CCDC7: variants seen among roughly 807,000 people sequenced by gnomAD.
The protein encoded by CCDC7 is coiled-coil domain-containing protein 7.
In CCDC7, 183 loss-of-function variants were observed where a neutral mutation model predicts 196.9. The observed-to-expected ratio is 0.93, with a 90% CI of 0.82 to 1.05. The LOEUF (loss-of-function observed/expected upper bound fraction) is 1.05, where lower values mean the gene tolerates loss of function less well. CCDC7 is among the 50% of genes least tolerant of loss of function. The probability of loss-of-function intolerance (pLI) is 0.00; values close to 1 mark genes in which losing one functional copy is unlikely to be tolerated. For missense variants in CCDC7, 1,540 were observed against 1,482.2 expected (o/e 1.04, Z -0.64); for synonymous variants, 525 against 484.6 (o/e 1.08, Z -1.10).
intron 24 of CCDC7, among the ~76,000 whole-genome samples, chr10:32,708,147 G>A (rs1207818616): frequency 1.3e-5 from 2 of 150,216 alleles, no homozygotes; most frequent in East Asian, 2.0e-4. Flanking sequence ...GAAAAGAATA[G>A]AGCCCTCAGA....
chr10:32,699,866 C>G lies in CCDC7; in HGVS notation c.2458+4874C>G, dbSNP rs545402441. 2.7e-5 allele frequency among the ~76,000 whole-genome samples: 4 copies of G among 149,614 alleles called. No individual in the cohort carries two copies. The East Asian group carries it at 7.7e-4, about 29-fold the overall frequency. Reference sequence around the variant, plus strand: ...ATAAATGTCTTCTTTTGAGAAGTATCTGTTCATATCCTATGCCCACTTGTT... The same window carrying G: ...ATAAATGTCTTCTTTTGAGAAGTATGTGTTCATATCCTATGCCCACTTGTT... On this transcript the variant is annotated intron_variant, in intron 24 of 41. Transcript: ENST00000639629.
chr10:32,499,466 A>C (rs1027918923), intron 9 of CCDC7: 3 of 152,176 alleles, frequency 2.0e-5, no homozygotes, highest in African/African-American at 7.2e-5. Context: ...TGGTTAATTT[A>C]TTGGGAAGAA....
At chr10:32,708,651 G>A (rs1280422365) in intron 24 of CCDC7, among the ~76,000 whole-genome samples, 2 of 152,186 alleles carry the variant, frequency 1.3e-5, no homozygotes, top group African/African-American at 4.8e-5. Context: ...CCATCAAAAA[G>A]TGGGCGAAGC....
chr10:32,448,818 T>C (rs886913987), upstream of CCDC7, among the ~76,000 whole-genome samples: 1 of 152,110 alleles, frequency 6.6e-6, no homozygotes, highest in South Asian at 2.1e-4. Flanking sequence ...TTGCTAATTA[T>C]TTATATTTTT....
intron 24 of CCDC7, among the ~76,000 whole-genome samples, chr10:32,701,809 G>C (rs1322970804): frequency 6.6e-6 from 1 of 152,082 alleles, no homozygotes; most frequent in South Asian, 2.1e-4. Context: ...TTGCATAGAG[G>C]TGTTTATAGT....
intron 5 of CCDC7, 136 bp downstream of exon 6, chr10:32,463,185 G>A (rs1203958067): frequency 1.8e-6 from 2 of 1,122,716 alleles, no homozygotes; most frequent in African/African-American, 1.6e-5. Flanking sequence ...TTTGGTTTGG[G>A]TAGACAAGGA....
intron 9 of CCDC7, among the ~76,000 whole-genome samples, chr10:32,506,438 T>C (rs1471945236): frequency 6.6e-6 from 1 of 152,162 alleles, no homozygotes; most frequent in East Asian, 1.9e-4. Flanking sequence ...CGCTGCTCAC[T>C]TCCTAGACGG....
downstream of CCDC7, chr10:32,876,632 G>A: frequency 2.8e-6 from 1 of 357,554 alleles, no homozygotes; most frequent in South Asian, 7.0e-5. Context: ...CAATTTTAAA[G>A]AAGTTATGCA....
rs569522193 is a variant in CCDC7 at position 32,820,260 on chromosome 10, A to G, written c.3182-4258A>G. Among the ~76,000 whole-genome samples the G allele has an allele frequency of 4.0e-3, 609 of 152,306 alleles. 1 individual carries two copies. The highest frequency in any genetic ancestry group is 6.7e-3 in the Non-Finnish European group (456 of 68,016). ...CCTAGGAATCCAACTTACAAGGGACAGGAAGGACCTCTTCAAGGAGCACTA... is the reference window on the plus strand; with the variant it reads ...CCTAGGAATCCAACTTACAAGGGACGGGAAGGACCTCTTCAAGGAGCACTA... On this transcript the variant is annotated intron_variant, in intron 31 of 41. Coordinates refer to ENST00000639629, the Ensembl canonical transcript of CCDC7.
chr10:32,500,216 C>T (rs562624769), intron 9 of CCDC7, among the ~76,000 whole-genome samples: 20 of 147,480 alleles, frequency 1.4e-4, no homozygotes, highest in African/African-American at 2.8e-4. Context: ...ATGGGGCGGC[C>T]GGCCTGGCGG....
intron 24 of CCDC7, among the ~76,000 whole-genome samples, chr10:32,707,576 C>T (rs554447682): frequency 1.6e-4 from 24 of 152,238 alleles, no homozygotes; most frequent in African/African-American, 3.9e-4. Flanking sequence ...AAAACCCCAT[C>T]GTCTCAGCCC....
chr10:32,472,587 A>C (rs767096958), intron 7 of CCDC7, 45 bp downstream of exon 8: 2 of 1,437,724 alleles, frequency 1.4e-6, no homozygotes, highest in Non-Finnish European at 1.8e-6. Flanking sequence ...TTTTATTAAA[A>C]ATTTTGTTAT....
intron 13 of CCDC7, among the ~76,000 whole-genome samples, chr10:32,548,887 C>CT (rs1369218368): frequency 5.3e-5 from 8 of 152,178 alleles, no homozygotes; most frequent in Non-Finnish European, 1.2e-4. Context: ...GTGCAAGTAT[C>CT]TTTTTTGAAT....
intron 32 of CCDC7, among the ~76,000 whole-genome samples, chr10:32,829,741 G>C (rs527624066): frequency 1.3e-5 from 2 of 152,190 alleles, no homozygotes; most frequent in African/African-American, 4.8e-5. Flanking sequence ...TGATTGGAGT[G>C]AAGGATGCAA....
At chr10:32,641,219 T>G (rs2066739288) in intron 20 of CCDC7, among the ~76,000 whole-genome samples, 3 of 152,220 alleles carry the variant, frequency 2.0e-5, no homozygotes, top group Non-Finnish European at 4.4e-5. Flanking sequence ...ATTGGGGAAG[T>G]TCTCCTGGAT....
intron 20 of CCDC7, among the ~76,000 whole-genome samples, chr10:32,661,734 G>A (rs1034204159): frequency 6.6e-6 from 1 of 152,134 alleles, no homozygotes; most frequent in African/African-American, 2.4e-5. Context: ...TCCTACTGTG[G>A]CTGAGCTGGT....
At chr10:32,696,960 T>C (rs1307317744) in intron 24 of CCDC7, among the ~76,000 whole-genome samples, 4 of 152,166 alleles carry the variant, frequency 2.6e-5, no homozygotes, top group African/African-American at 9.7e-5. Context: ...AAAATTAACA[T>C]TTTTTGCATG....
At chr10:32,677,953 T>C (rs1437008137) in intron 21 of CCDC7, among the ~76,000 whole-genome samples, 1 of 152,080 alleles carries the variant, frequency 6.6e-6, no homozygotes, top group Admixed American at 6.6e-5. Context: ...TCTTAGAGTT[T>C]GTTGCTTTGC....
intron 29 of CCDC7, among the ~76,000 whole-genome samples, chr10:32,797,216 CACACACAT>C (rs2083755359): frequency 6.9e-6 from 1 of 145,238 alleles, no homozygotes; most frequent in African/African-American, 2.7e-5. Context: ...CACATATACA[CACACACAT>C]ATATATGTGT....
Sources: gnomAD v4.1 joint callset for allele counts (sites outside exome capture counted in the v4.1 genomes callset) on GRCh38, gnomAD v4.1.1 for gene constraint, MANE v1.5 for transcripts, NCBI Gene and HGNC (gene_info 2026-07-23, HGNC 2026-07-21) for gene names.